The following DYSF variants were observed in gnomAD, a reference collection of about 807,000 sequenced individuals.
DYSF encodes the protein dysferlin.
Under a neutral mutation model 274.9 loss-of-function variants are expected in DYSF, and 212 were observed. That is an observed-to-expected ratio of 0.77 (90% CI 0.69 to 0.86). The LOEUF is 0.86. Among genes scored for constraint, DYSF ranks in the 40% least tolerant of loss-of-function variants. The probability of loss-of-function intolerance (pLI) is 0.00; values close to 1 mark genes in which losing one functional copy is unlikely to be tolerated. For missense variants in DYSF, 2,666 were observed against 2,783.2 expected (o/e 0.96, Z 0.95); for synonymous variants, 1,091 against 1,078.7 (o/e 1.01, Z -0.22).
At chr2:71,674,800 T>C (rs2095192644) in intron 52 of DYSF, among the ~76,000 whole-genome samples, 2 of 152,170 alleles carry the variant, frequency 1.3e-5, no homozygotes, top group Admixed American at 6.5e-5. Flanking sequence ...CTGGGTTGAA[T>C]GGAAGGTGGT....
chr2:71,630,694 A>G (rs1199047194), intron 41 of DYSF, among the ~76,000 whole-genome samples: 1 of 152,192 alleles, frequency 6.6e-6, no homozygotes, highest in Admixed American at 6.5e-5. Context: ...GAGGAGAGAG[A>G]GTTCTGTAAT....
At chr2:71,586,610 G>A (rs1486380313) in intron 30 of DYSF, among the ~76,000 whole-genome samples, 1 of 152,128 alleles carries the variant, frequency 6.6e-6, no homozygotes, top group Non-Finnish European at 1.5e-5. Flanking sequence ...GCAGGCAGGA[G>A]GCCCTGCCCT....
chr2:71,573,039 G>A (rs2092577859), intron 29 of DYSF, among the ~76,000 whole-genome samples: 3 of 152,372 alleles, frequency 2.0e-5, no homozygotes, highest in African/African-American at 7.2e-5. Flanking sequence ...GTGCCCGCCT[G>A]TCCTGGACCT....
chr2:71,574,383 T>C lies in DYSF; in HGVS notation c.3402+12T>C. On this transcript the variant is annotated intron_variant, in intron 30 of 55. Transcript: ENST00000410020. ...TTGAGGGGGCCCTGGTATGTGGGGC[T>C]GCACTTGTCCTGGCTTGGGTAGGGT... 6.2e-7 allele frequency: 1 copy of C among 1,612,854 alleles called. No homozygotes were observed. Among genetic ancestry groups the C allele is most frequent in the Non-Finnish European group, 8.5e-7 (1 of 1,179,108 alleles).
At chr2:71,678,463 A>G (rs918551854) in intron 52 of DYSF, among the ~76,000 whole-genome samples, 16 of 152,254 alleles carry the variant, frequency 1.1e-4, no homozygotes, top group African/African-American at 3.4e-4. Context: ...TTCCACTTAT[A>G]TGAAATATCT....
chr2:71,575,301 C>T (rs2152824522), intron 30 of DYSF, among the ~76,000 whole-genome samples: 1 of 152,250 alleles, frequency 6.6e-6, no homozygotes, highest in East Asian at 1.9e-4. Flanking sequence ...AGTCTCAGGC[C>T]TCGATGGTGG....
intron 29 of DYSF, 62 bp from the exon 30 acceptor site, chr2:71,574,136 C>T (rs756494845): frequency 3.3e-5 from 53 of 1,587,360 alleles, no homozygotes; most frequent in South Asian, 5.5e-5. Flanking sequence ...AAGGTGGAGC[C>T]GAGCACAGAA....
Position 71,636,772 on chromosome 2 carries a change from G to T in DYSF, c.4528-7193G>T, listed in dbSNP as rs1413583724. ...GGGAGTGAGAGTGGATAGAGAGGATGGGCTCAAGCACTGAGCCCTGAGGCA... is the reference window on the plus strand; with the variant it reads ...GGGAGTGAGAGTGGATAGAGAGGATTGGCTCAAGCACTGAGCCCTGAGGCA... On this transcript the variant is annotated intron_variant, in intron 41 of 55. Coordinates refer to ENST00000410020, the MANE Select transcript of DYSF (RefSeq NM_001130987.2). Among the ~76,000 whole-genome samples, 4 of 152,108 alleles carry T rather than the reference G, an allele frequency of 2.6e-5. No individual in the cohort carries two copies. In the East Asian group the frequency reaches 7.8e-4, roughly 29 times the overall value.
chr2:71,651,097 A>G (rs1322494249), intron 42 of DYSF, among the ~76,000 whole-genome samples: 4 of 152,140 alleles, frequency 2.6e-5, no homozygotes, highest in Admixed American at 6.5e-5. Context: ...ATCTGGAAAA[A>G]GGGAGTAAGT....
At chr2:71,635,475 C>T (rs770615033) in intron 41 of DYSF, among the ~76,000 whole-genome samples, 20 of 152,212 alleles carry the variant, frequency 1.3e-4, no homozygotes, top group Middle Eastern at 3.4e-3. Context: ...GGGCTGGGTG[C>T]GGTGGCTCAC....
At chr2:71,659,634 G>A (rs1237705756) in intron 44 of DYSF, among the ~76,000 whole-genome samples, 1 of 152,208 alleles carries the variant, frequency 6.6e-6, no homozygotes, top group South Asian at 2.1e-4. Flanking sequence ...TTAAAGTACT[G>A]TTTATCTTAA....
At chr2:71,676,433 G>A (rs935712566) in intron 52 of DYSF, among the ~76,000 whole-genome samples, 1 of 151,614 alleles carries the variant, frequency 6.6e-6, no homozygotes, top group Non-Finnish European at 1.5e-5. Context: ...TTTCTTCATG[G>A]TTTTGCAATA....
chr2:71,488,142 G>A (rs901909482), intron 3 of DYSF, among the ~76,000 whole-genome samples: 5 of 152,146 alleles, frequency 3.3e-5, no homozygotes, highest in African/African-American at 7.2e-5. Flanking sequence ...AGCCAAATCT[G>A]TGTTGGGAAA....
intron 52 of DYSF, among the ~76,000 whole-genome samples, chr2:71,675,593 A>G (rs2152963251): frequency 6.6e-6 from 1 of 152,324 alleles, no homozygotes; most frequent in African/African-American, 2.4e-5. Flanking sequence ...TGCCCAGAGA[A>G]CTTTGTTATA....
At chr2:71,499,873 C>T (rs1264192374) in intron 3 of DYSF, among the ~76,000 whole-genome samples, 6 of 152,176 alleles carry the variant, frequency 3.9e-5, no homozygotes, top group Non-Finnish European at 1.5e-5. Context: ...CCAGGACCCA[C>T]GGGTGTCATT....
chr2:71,554,631 T>G (rs1416830171), intron 21 of DYSF, among the ~76,000 whole-genome samples: 2 of 152,112 alleles, frequency 1.3e-5, no homozygotes, highest in Non-Finnish European at 2.9e-5. Flanking sequence ...TTGCAGGACT[T>G]GAGCTACAAG....
intron 40 of DYSF, among the ~76,000 whole-genome samples, chr2:71,619,023 T>G (rs1370260567): frequency 2.6e-5 from 4 of 151,954 alleles, no homozygotes; most frequent in South Asian, 2.1e-4. Context: ...AGTGGCAAAT[T>G]ATGCCCGAGT....
At chr2:71,614,467 G>T (rs1422284452) in intron 40 of DYSF, among the ~76,000 whole-genome samples, 1 of 152,142 alleles carries the variant, frequency 6.6e-6, no homozygotes, top group Non-Finnish European at 1.5e-5. Flanking sequence ...CTTTCTGCTG[G>T]GAAGACCTCC....
At chr2:71,565,492 C>A (rs1221969918) in intron 24 of DYSF, among the ~76,000 whole-genome samples, 1 of 152,134 alleles carries the variant, frequency 6.6e-6, no homozygotes, top group East Asian at 1.9e-4. Flanking sequence ...CTCCCCAAAG[C>A]CCCTCCACGC....
Sources: gnomAD v4.1 joint callset for allele counts (sites outside exome capture counted in the v4.1 genomes callset) on GRCh38, gnomAD v4.1.1 for gene constraint, MANE v1.5 for transcripts, NCBI Gene and HGNC (gene_info 2026-07-23, HGNC 2026-07-21) for gene names.